The following CNTRL variants were observed in gnomAD, a reference collection of about 807,000 sequenced individuals.
CNTRL encodes the protein 110 kDa centrosomal protein.
In CNTRL, 233 loss-of-function variants were observed where a neutral mutation model predicts 303.7. The observed-to-expected ratio is 0.77, with a 90% CI of 0.69 to 0.86. The LOEUF is 0.86. Ranked by LOEUF, CNTRL falls within the 40% of genes least tolerant of loss-of-function variation. CNTRL has a pLI of 0.00. For missense variants in CNTRL, 2,524 were observed against 2,650.6 expected (o/e 0.95, Z 1.05); for synonymous variants, 900 against 922.2 (o/e 0.98, Z 0.44).
At chr9:121,109,111 T>A (rs1196154866) in intron 8 of CNTRL, among the ~76,000 whole-genome samples, 2 of 152,124 alleles carry the variant, frequency 1.3e-5, no homozygotes, top group Admixed American at 1.3e-4. Context: ...TGTAAAATGG[T>A]GTAGTATTTG....
intron 7 of CNTRL, 139 bp downstream of exon 7, chr9:121,098,711 A>G: frequency 1.5e-6 from 1 of 654,828 alleles, no homozygotes; most frequent in Non-Finnish European, 2.5e-6. Context: ...AATTCAACAA[A>G]TATTTACTGA....
chr9:121,149,284 C>A (rs747521780), intron 24 of CNTRL, among the ~76,000 whole-genome samples: 3 of 152,166 alleles, frequency 2.0e-5, no homozygotes, highest in Admixed American at 6.5e-5. Context: ...CTGAGTAAAT[C>A]TTTTTCACTT....
At chr9:121,102,113 A>G (rs1021946637) in intron 7 of CNTRL, among the ~76,000 whole-genome samples, 1 of 152,188 alleles carries the variant, frequency 6.6e-6, no homozygotes, top group African/African-American at 2.4e-5. Context: ...AGAATTTTAG[A>G]CCAATATCCC....
At chr9:121,112,975 A>G (rs1047243344) in intron 9 of CNTRL, among the ~76,000 whole-genome samples, 1 of 152,222 alleles carries the variant, frequency 6.6e-6, no homozygotes, top group African/African-American at 2.4e-5. Context: ...TTAATCAATC[A>G]TGACTGGTAC....
Position 121,158,089 on chromosome 9 carries a change from C to A in CNTRL, c.4744C>A (p.Leu1582Met), listed in dbSNP as rs1472671820. The A allele has an allele frequency of 1.2e-6, 2 of 1,613,950 alleles. No individual in the cohort carries two copies. Among genetic ancestry groups the A allele is most frequent in the Non-Finnish European group, 1.7e-6 (2 of 1,180,022 alleles). Residue 1582 changes from leucine to methionine, a missense_variant, in exon 30 of 44, where the codon CTG (leucine) becomes ATG (methionine). By Grantham distance (15) the Leu-to-Met change is conservative. Coordinates refer to ENST00000373855, the MANE Select transcript of CNTRL (RefSeq NM_007018.6). ...GCTTCTTCAGGCCAAAAGAGCCGAG[C>A]TGGAAAAGCTGAAAAGCCAGGTATG... ...EVLLQAKRAE[L>M]EKLKSQVTSQ...
At chr9:121,114,533 A>G (rs1324362359) in intron 10 of CNTRL, among the ~76,000 whole-genome samples, 1 of 152,216 alleles carries the variant, frequency 6.6e-6, no homozygotes, top group African/African-American at 2.4e-5. Context: ...AAAATAAATC[A>G]GATTTTTATG....
chr9:121,125,454 C>T (rs572644810), intron 13 of CNTRL, among the ~76,000 whole-genome samples: 8 of 152,196 alleles, frequency 5.3e-5, no homozygotes, highest in East Asian at 3.9e-4. Context: ...CCACCACACC[C>T]GGCCGAAATT....
intron 23 of CNTRL, among the ~76,000 whole-genome samples, chr9:121,148,175 G>C (rs1379919936): frequency 2.0e-5 from 3 of 152,180 alleles, no homozygotes; most frequent in Admixed American, 6.5e-5. Flanking sequence ...TTTCTCTCTT[G>C]GGGAGTTGCT....
chr9:121,093,314 G>A (rs140037711), intron 4 of CNTRL, among the ~76,000 whole-genome samples: 309 of 152,274 alleles, frequency 2.0e-3, no homozygotes, highest in African/African-American at 7.3e-3. Context: ...TACAGGTTGA[G>A]CATCCCAAAT....
chr9:121,147,865 A>G (rs574606585), intron 23 of CNTRL, among the ~76,000 whole-genome samples: 1 of 152,314 alleles, frequency 6.6e-6, no homozygotes, highest in African/African-American at 2.4e-5. Flanking sequence ...GAAGCAGTAT[A>G]AATTAGAGCA....
At chr9:121,173,884 A>C (rs879884843) in intron 42 of CNTRL, 147 bp downstream of exon 42, 1 of 763,546 alleles carries the variant, frequency 1.3e-6, no homozygotes, top group Admixed American at 2.0e-5. Flanking sequence ...TGAAGCTTCG[A>C]GGAGTTGGTG....
intron 38 of CNTRL, 112 bp downstream of exon 38, chr9:121,168,433 G>T: frequency 1.2e-6 from 1 of 842,830 alleles, no homozygotes. Context: ...AGGAGAGGAG[G>T]CAGGAGAAGT....
intron 3 of CNTRL, among the ~76,000 whole-genome samples, chr9:121,089,876 G>C (rs1030622650): frequency 6.6e-6 from 1 of 151,992 alleles, no homozygotes; most frequent in Non-Finnish European, 1.5e-5. Context: ...TCAAAGGTTT[G>C]TTGTATAAAT....
chr9:121,172,246 G>A (rs1214132055), intron 40 of CNTRL, among the ~76,000 whole-genome samples: 1 of 152,228 alleles, frequency 6.6e-6, no homozygotes, highest in Non-Finnish European at 1.5e-5. Context: ...AATTTGGTAA[G>A]GCAATTAGCA....
Position 121,113,521 on chromosome 9 carries a change from C to A in CNTRL, c.1142C>A (p.Ala381Asp). Reference protein sequence around the residue: ...YPSEYAEIDKAPDESPYIGKS... With the variant: ...YPSEYAEIDKDPDESPYIGKS... Reference sequence around the variant, plus strand: ...TTTTAGTATGCTGAAATTGATAAAGCCCCAGATGAAAGCCCTTACATTGGC... The same window carrying A: ...TTTTAGTATGCTGAAATTGATAAAGACCCAGATGAAAGCCCTTACATTGGC... The change falls in exon 10 of 44, where the codon GCC (alanine) becomes GAC (aspartate). Residue 381 changes from alanine (A) to aspartate (D), a missense_variant. Coordinates refer to ENST00000373855, the MANE Select transcript of CNTRL (RefSeq NM_007018.6). 6.3e-7 allele frequency: 1 copy of A among 1,579,850 alleles called. No homozygotes were observed. The highest frequency in any genetic ancestry group is 8.6e-7 in the Non-Finnish European group (1 of 1,168,092).
At chr9:121,088,006 T>C (rs553422805) in intron 2 of CNTRL, among the ~76,000 whole-genome samples, 13 of 152,280 alleles carry the variant, frequency 8.5e-5, no homozygotes, top group South Asian at 4.1e-4. Flanking sequence ...GACCCCGTTA[T>C]GTGGGTAAAA....
At chr9:121,108,387 C>T (rs935198656) in intron 8 of CNTRL, among the ~76,000 whole-genome samples, 2 of 152,104 alleles carry the variant, frequency 1.3e-5, no homozygotes. Flanking sequence ...TTCCCTGGTG[C>T]ACGTTACTCA....
Position 121,142,008 on chromosome 9 carries a change from G to A in CNTRL, c.2692-83G>A, listed in dbSNP as rs1336689474. On this transcript the variant is annotated intron_variant, in intron 18 of 43. Transcript: ENST00000373855. ...TTAAGTTACAGCCTGTTGTAAAATG[G>A]GTGATAATTCTATAAAAAGTTTTTA... is the stretch of plus-strand genomic sequence containing the variant. The A allele has an allele frequency of 1.0e-5, 11 of 1,103,726 alleles. No individual in the cohort carries two copies. In the East Asian group the frequency reaches 2.6e-4, roughly 26 times the overall value. 68.4% of individuals were successfully genotyped at this position (1,103,726 alleles called of 1,614,324 possible). A position where few individuals can be genotyped will look rare whatever the true frequency, so the allele number is the denominator to read the frequency against.
Position 121,162,053 on chromosome 9 carries a change from G to A in CNTRL, c.5206-1G>A. 1 of 1,614,092 alleles carries A rather than the reference G, an allele frequency of 6.2e-7. No individual in the cohort carries two copies. Among genetic ancestry groups the A allele is most frequent in the South Asian group, 1.1e-5 (1 of 91,060 alleles). On this transcript the variant is annotated splice_acceptor_variant, in intron 33 of 43. Transcript: ENST00000373855. LOFTEE classifies it high-confidence loss of function. ...TTTGAGTCCTCTTTTATCTGATTTA[G>A]GAGAAACTGGAGTTAGAGAATTTGC...
Sources: gnomAD v4.1 joint callset for allele counts (sites outside exome capture counted in the v4.1 genomes callset) on GRCh38, gnomAD v4.1.1 for gene constraint, MANE v1.5 for transcripts, NCBI Gene and HGNC (gene_info 2026-07-23, HGNC 2026-07-21) for gene names.